FKBP1A: variants seen among roughly 807,000 people sequenced by gnomAD.
FKBP1A encodes peptidyl-prolyl cis-trans isomerase FKBP1A.
Under a neutral mutation model 14.2 loss-of-function variants are expected in FKBP1A, and 5 were observed. That is an observed-to-expected ratio of 0.35 (90% CI 0.18 to 0.74). The LOEUF (loss-of-function observed/expected upper bound fraction) is 0.74. Among genes scored for constraint, FKBP1A ranks in the 30% least tolerant of loss-of-function variants. The pLI, the probability that FKBP1A is intolerant of heterozygous loss-of-function variation, is 0.56. For synonymous variants in FKBP1A, 42 were observed against 49.1 expected, an observed-to-expected ratio of 0.86 and a Z score of 0.60; for missense variants, 53 against 138.8, an observed-to-expected ratio of 0.38 and a Z score of 3.10.
chr20:1,377,494 C>T (rs1055165305), intron 2 of FKBP1A: 2 of 152,170 alleles, frequency 1.3e-5, no homozygotes, highest in Non-Finnish European at 2.9e-5. Context: ...CATTCGTTTA[C>T]CAGAATGCAG....
At chr20:1,377,717 T>A (rs1205774583) in intron 2 of FKBP1A, 1 of 152,116 alleles carries the variant, frequency 6.6e-6, no homozygotes, top group Non-Finnish European at 1.5e-5. Flanking sequence ...GATTCTCCAT[T>A]CCCTGGCCAG....
At chr20:1,392,254 C>A (rs112426678) in intron 2 of FKBP1A, among the ~76,000 whole-genome samples, 2,143 of 152,200 alleles carry the variant, frequency 0.014, 63 homozygotes, top group African/African-American at 0.049. Context: ...TCTACTTCCC[C>A]CAAGGCCAGG....
chr20:1,370,568 G>A (rs1231957376), intron 4 of FKBP1A: 4 of 985,276 alleles, frequency 4.1e-6, no homozygotes, highest in Non-Finnish European at 3.6e-6. Flanking sequence ...ATAATGTTGA[G>A]TATACTGGGA....
intron 2 of FKBP1A, among the ~76,000 whole-genome samples, chr20:1,387,307 G>T (rs571067794): frequency 1.1e-3 from 167 of 152,252 alleles, no homozygotes; most frequent in South Asian, 2.3e-3. Flanking sequence ...GTGAAACCGA[G>T]AAATGGATGA....
chr20:1,383,989 T>G (rs1453636328), intron 2 of FKBP1A, among the ~76,000 whole-genome samples: 1 of 152,192 alleles, frequency 6.6e-6, no homozygotes, highest in Admixed American at 6.5e-5. Flanking sequence ...TTCCCTCTTC[T>G]TATTAGACAC....
At chr20:1,391,808 T>C in intron 2 of FKBP1A, 1 of 358,804 alleles carries the variant, frequency 2.8e-6, no homozygotes, top group Non-Finnish European at 4.9e-6. Flanking sequence ...GTGGGAAGGT[T>C]GAGAAAGGGG....
At chr20:1,370,836 C>CA (rs2089454087) in intron 4 of FKBP1A, 1 of 985,372 alleles carries the variant, frequency 1.0e-6, no homozygotes, top group Non-Finnish European at 1.2e-6. Flanking sequence ...ACTCAGCTCT[C>CA]AAAGAACAGG....
intron 2 of FKBP1A, among the ~76,000 whole-genome samples, chr20:1,382,506 C>T (rs2089628072): frequency 6.6e-6 from 1 of 152,152 alleles, no homozygotes; most frequent in African/African-American, 2.4e-5. Flanking sequence ...TGACTGAATG[C>T]AGCCCAAGCT....
chr20:1,382,083 A>C (rs1056845897), intron 2 of FKBP1A, among the ~76,000 whole-genome samples: 14 of 152,234 alleles, frequency 9.2e-5, no homozygotes, highest in Admixed American at 8.5e-4. Flanking sequence ...ATATATGTTT[A>C]GCTCCCACAT....
chr20:1,391,441 G>A (rs927811352), intron 2 of FKBP1A, among the ~76,000 whole-genome samples: 1 of 152,116 alleles, frequency 6.6e-6, no homozygotes, highest in African/African-American at 2.4e-5. Context: ...CTTCCTTCAC[G>A]GACATGAGAC....
At chr20:1,375,184 C>G in intron 3 of FKBP1A, 2 of 523,616 alleles carry the variant, frequency 3.8e-6, no homozygotes, top group Middle Eastern at 5.0e-4. Context: ...CATGAGCCAC[C>G]GCGCCCAGCC....
At chr20:1,390,700 C>T (rs115430668) in intron 2 of FKBP1A, among the ~76,000 whole-genome samples, 5 of 152,156 alleles carry the variant, frequency 3.3e-5, no homozygotes, top group South Asian at 2.1e-4. Context: ...ACTCCTCTCA[C>T]GCCCCCACAG....
chr20:1,388,016 A>G (rs1335233453), intron 2 of FKBP1A, among the ~76,000 whole-genome samples: 1 of 152,188 alleles, frequency 6.6e-6, no homozygotes, highest in Admixed American at 6.5e-5. Flanking sequence ...ACTAGGTGAA[A>G]GGCTGATGAG....
At chr20:1,381,037 T>C (rs1425460535) in intron 2 of FKBP1A, among the ~76,000 whole-genome samples, 2 of 152,226 alleles carry the variant, frequency 1.3e-5, no homozygotes, top group South Asian at 4.1e-4. Context: ...AAAGAAATCT[T>C]TGTGACCTCG....
intron 4 of FKBP1A, chr20:1,370,859 G>T (rs1261185595): frequency 1.0e-6 from 1 of 985,282 alleles, no homozygotes; most frequent in Non-Finnish European, 1.2e-6. Context: ...AGGGATTTTG[G>T]CCTAGGTGCA....
At position 1,370,052 on chromosome 20, in the gene FKBP1A, C is replaced by T. The variant is rs1299570459; in HGVS notation, c.*57G>A. The T allele has an allele frequency of 1.9e-6, 3 of 1,549,912 alleles. No individual in the cohort carries two copies. The highest frequency in any genetic ancestry group is 2.6e-6 in the Non-Finnish European group (3 of 1,146,914). On this transcript the variant is annotated 3_prime_UTR_variant, in exon 5 of 5. Coordinates refer to ENST00000400137, the MANE Select transcript of FKBP1A (RefSeq NM_000801.5). Reference sequence around the variant, plus strand: ...ATTCATGTGCACATGTCTGGAGGCACCAGATCCCTCCATGGCAGATCTGTT... The same window carrying T: ...ATTCATGTGCACATGTCTGGAGGCATCAGATCCCTCCATGGCAGATCTGTT...
intron 3 of FKBP1A, chr20:1,373,261 C>G (rs779536078): frequency 1.3e-5 from 2 of 152,184 alleles, no homozygotes; most frequent in Non-Finnish European, 2.9e-5. Flanking sequence ...GCTAACAACT[C>G]AAAAGTCCAT....
intron 2 of FKBP1A, among the ~76,000 whole-genome samples, chr20:1,390,354 G>A (rs7508935): frequency 0.19 from 26,532 of 138,192 alleles, 3,067 homozygotes; most frequent in African/African-American, 0.3. Context: ...CATGGGGAGG[G>A]GGGAGGGGGG....
chr20:1,370,725 C>G (rs2089452929), intron 4 of FKBP1A: 1 of 985,218 alleles, frequency 1.0e-6, no homozygotes, highest in African/African-American at 1.7e-5. Flanking sequence ...GCCTTTATCC[C>G]TCTCTCCCCT....
Sources: gnomAD v4.1 joint callset for allele counts (sites outside exome capture counted in the v4.1 genomes callset) on GRCh38, gnomAD v4.1.1 for gene constraint, MANE v1.5 for transcripts, NCBI Gene and HGNC (gene_info 2026-07-23, HGNC 2026-07-21) for gene names.